Variants in MARCHF7 observed in about 807,000 individuals in gnomAD.
MARCHF7 encodes the protein membrane associated ring-CH-type finger 7.
A neutral mutation model predicts 76.5 loss-of-function variants in MARCHF7; 20 were observed. The observed-to-expected ratio is 0.26, with a 90% confidence interval of 0.18 to 0.38. The LOEUF (loss-of-function observed/expected upper bound fraction) is 0.38. Among genes scored for constraint, MARCHF7 ranks in the 10% least tolerant of loss-of-function variants. The pLI is 1.00. For synonymous variants in MARCHF7, 295 were observed against 293.0 expected (o/e 1.01, Z -0.07); for missense variants, 797 against 812.9 (o/e 0.98, Z 0.24).
In MARCHF7 at chr2:159,752,471, A is replaced by G. The variant is rs778324337; in HGVS notation, c.1683A>G (p.Ser561=). ...GAATTTGTCAAATGGCAGCTGCATC[A>G]TCATCTAATTTGCTGATAGAGCCAT... The part of the protein sequence containing the change: ...LCRICQMAAA[S]SSNLLIEPCK... The change falls in exon 8 of 12, where the codon TCA becomes TCG. Residue 561 remains serine, a synonymous_variant. Transcript: ENST00000409175. 3.7e-6 allele frequency: 6 copies of G among 1,607,764 alleles called. No individual in the cohort carries two copies. Among genetic ancestry groups the G allele is most frequent in the Middle Eastern group, 1.6e-4 (1 of 6,076 alleles).
chr2:159,760,586 G>T (rs1181075179), intron 9 of MARCHF7, among the ~76,000 whole-genome samples: 1 of 152,178 alleles, frequency 6.6e-6, no homozygotes, highest in Non-Finnish European at 1.5e-5. Context: ...TGGAATCATG[G>T]AGAGATAAAT....
At chr2:159,746,370 T>G (rs576892149) in intron 6 of MARCHF7, among the ~76,000 whole-genome samples, 1 of 152,350 alleles carries the variant, frequency 6.6e-6, no homozygotes, top group African/African-American at 2.4e-5. Flanking sequence ...CCTCTAGTTT[T>G]ATTAAATTGA....
At chr2:159,714,449 T>C (rs1260506202) in intron 1 of MARCHF7, 108 bp from the exon 2 acceptor site, 1 of 152,154 alleles carries the variant, frequency 6.6e-6, no homozygotes, top group Non-Finnish European at 1.5e-5. Context: ...GTGCTTAATC[T>C]TGGAAATTTT....
rs1213926792 is a variant in MARCHF7 at position 159,768,735 on chromosome 2, T to A, written c.*1393T>A. On this transcript the variant is annotated 3_prime_UTR_variant, in exon 12 of 12. Transcript: ENST00000409175. ...GCCAGTTACCTTTGCATTGTCTGTC[T>A]TAAAGCAAAAATATAAAATTTAAGG... 6.6e-6 allele frequency: 1 copy of A among 152,488 alleles called. No individual in the cohort carries two copies. 9.4% of individuals were successfully genotyped at this position (152,488 alleles called of 1,614,324 possible).
At position 159,748,662 on chromosome 2, in the gene MARCHF7, A is replaced by G. The variant is rs1426859780; in HGVS notation, c.1372A>G (p.Thr458Ala). 6.2e-6 allele frequency: 10 copies of G among 1,614,122 alleles called. No individual in the cohort carries two copies. Among genetic ancestry groups the G allele is most frequent in the Non-Finnish European group, 8.5e-6 (10 of 1,180,042 alleles). Residue 458 changes from threonine to alanine, a missense_variant, in exon 7 of 12, where the codon ACA becomes GCA. Coordinates refer to ENST00000409175, the MANE Select transcript of MARCHF7 (RefSeq NM_001282805.2). ...PQASAASSSA[T>A]TGGSTSDSAQ... Reference sequence around the variant, plus strand: ...AGCATCTGCAGCATCAAGCAGTGCCACAACAGGTGGCTCTACATCAGATTC... The same window carrying G: ...AGCATCTGCAGCATCAAGCAGTGCCGCAACAGGTGGCTCTACATCAGATTC...
chr2:159,740,204 A>C (rs72996626), intron 4 of MARCHF7, among the ~76,000 whole-genome samples: 1 of 152,088 alleles, frequency 6.6e-6, no homozygotes, highest in African/African-American at 2.4e-5. Context: ...CGTCTTCCAC[A>C]TGCCTCTAAA....
At chr2:159,734,589 C>G (rs1178875958) in intron 4 of MARCHF7, among the ~76,000 whole-genome samples, 1 of 151,966 alleles carries the variant, frequency 6.6e-6, no homozygotes, top group Non-Finnish European at 1.5e-5. Flanking sequence ...TGCATAAACC[C>G]TGCAGCATTT....
At chr2:159,761,157 G>T (rs535060869) in intron 9 of MARCHF7, among the ~76,000 whole-genome samples, 66 of 147,736 alleles carry the variant, frequency 4.5e-4, no homozygotes, top group African/African-American at 1.5e-3. Flanking sequence ...TCCCAAGTAG[G>T]TGGGATTGCC....
chr2:159,736,556 GTTTTT>G (rs1703479005), intron 4 of MARCHF7, among the ~76,000 whole-genome samples: 1 of 151,856 alleles, frequency 6.6e-6, no homozygotes, highest in Admixed American at 6.6e-5. Flanking sequence ...TTCTCCTTAA[GTTTTT>G]TTATTTTTTT....
chr2:159,753,326 C>T (rs1705884364), intron 8 of MARCHF7, among the ~76,000 whole-genome samples: 1 of 151,994 alleles, frequency 6.6e-6, no homozygotes, highest in Admixed American at 6.5e-5. Flanking sequence ...AATCCCAGCA[C>T]TTTGGGAGGC....
At chr2:159,745,679 A>T in intron 5 of MARCHF7, 91 bp from the exon 6 acceptor site, 1 of 808,430 alleles carries the variant, frequency 1.2e-6, no homozygotes, top group Non-Finnish European at 1.9e-6. Flanking sequence ...AATAATAAAT[A>T]ACACTAACTT....
At chr2:159,750,022 C>G (rs1464828304) in intron 7 of MARCHF7, among the ~76,000 whole-genome samples, 3 of 152,172 alleles carry the variant, frequency 2.0e-5, no homozygotes, top group African/African-American at 7.2e-5. Flanking sequence ...AAATTTGATG[C>G]ACAAAATAAT....
chr2:159,717,326 A>G (rs1022558876), intron 3 of MARCHF7, among the ~76,000 whole-genome samples: 24 of 152,336 alleles, frequency 1.6e-4, no homozygotes, highest in Non-Finnish European at 7.4e-5. Context: ...GTAATTTACC[A>G]TAGGTTCTTT....
At chr2:159,738,293 A>G (rs1168488418) in intron 4 of MARCHF7, among the ~76,000 whole-genome samples, 3 of 152,218 alleles carry the variant, frequency 2.0e-5, no homozygotes, top group African/African-American at 7.2e-5. Flanking sequence ...GCCCTGGTTC[A>G]GGGAGCTCCT....
intron 2 of MARCHF7, among the ~76,000 whole-genome samples, chr2:159,715,363 G>GGGA (rs1279062202): frequency 6.6e-6 from 1 of 151,922 alleles, no homozygotes; most frequent in African/African-American, 2.4e-5. Context: ...TTAGGTGGGG[G>GGGA]GGGTAATAAT....
chr2:159,751,031 C>T (rs1041716033), intron 7 of MARCHF7, among the ~76,000 whole-genome samples: 6 of 152,128 alleles, frequency 3.9e-5, no homozygotes, highest in African/African-American at 1.4e-4. Context: ...TTTAAACTTG[C>T]TATTTTTCCT....
chr2:159,764,257 C>T lies in MARCHF7; in HGVS notation c.2008-369C>T, dbSNP rs868788449. ...GTGTGTGTGTGTGTGTGTGTGTGTG[C>T]GCGCGCCCACTGAAACTGAATTTAT... On this transcript the variant is annotated intron_variant, in intron 10 of 11. Transcript: ENST00000409175. 6.2e-3 allele frequency among the ~76,000 whole-genome samples: 742 copies of T among 119,902 alleles called. 8 individuals carry two copies. The highest frequency in any genetic ancestry group is 0.023 in the African/African-American group (667 of 29,058). The allele number at this position is 119,902 out of a possible 152,430, so 78.7% of individuals were successfully genotyped here.
intron 4 of MARCHF7, among the ~76,000 whole-genome samples, chr2:159,730,082 T>C (rs1432666381): frequency 1.3e-5 from 2 of 152,232 alleles, no homozygotes; most frequent in African/African-American, 4.8e-5. Flanking sequence ...CTTTTTGTTT[T>C]GTTTGAAACA....
chr2:159,722,392 C>T (rs1053212947), intron 3 of MARCHF7, among the ~76,000 whole-genome samples: 7 of 152,168 alleles, frequency 4.6e-5, no homozygotes, highest in African/African-American at 1.7e-4. Context: ...CCTCGGCCTC[C>T]CAAAGTGCAG....
Sources: gnomAD v4.1 joint callset for allele counts (sites outside exome capture counted in the v4.1 genomes callset) on GRCh38, gnomAD v4.1.1 for gene constraint, MANE v1.5 for transcripts, NCBI Gene and HGNC (gene_info 2026-07-23, HGNC 2026-07-21) for gene names.